The following ANKRD36B variants were observed in gnomAD, a reference collection of about 807,000 sequenced individuals.
ANKRD36B encodes the protein ankyrin repeat domain-containing protein 36B.
A neutral mutation model predicts 135.7 loss-of-function variants in ANKRD36B; 37 were observed. The observed-to-expected ratio is 0.27, with a 90% CI of 0.21 to 0.36. ANKRD36B has a LOEUF of 0.36. ANKRD36B is among the 10% of genes least tolerant of loss of function. ANKRD36B has a pLI of 1.00. For missense variants in ANKRD36B, 549 were observed against 1,037.1 expected (o/e 0.53, Z 6.46); for synonymous variants, 179 against 348.1 (o/e 0.51, Z 5.41).
rs775730791 is a variant in ANKRD36B at position 97,549,576 on chromosome 2, G to A, written c.1404+10C>T. The A allele has an allele frequency of 9.3e-6, 15 of 1,608,860 alleles. No homozygotes were observed. Among genetic ancestry groups the A allele is most frequent in the East Asian group, 9.0e-5 (4 of 44,688 alleles). ...TAACTAGTTCACAATATAAATGAGA[G>A]TTTCATTACCTTCAAGGCTGGTGGT... On this transcript the variant is annotated intron_variant, in intron 19 of 43. Coordinates refer to ENST00000359901, the MANE Select transcript of ANKRD36B (RefSeq NM_001393939.1).
chr2:97,589,804 A>C lies in ANKRD36B; in HGVS notation c.-119T>G. 6.6e-7 allele frequency: 1 copy of C among 1,515,730 alleles called. No homozygotes were observed. Among genetic ancestry groups the C allele is most frequent in the African/African-American group, 1.4e-5 (1 of 72,362 alleles). 93.9% of individuals were successfully genotyped at this position (1,515,730 alleles called of 1,614,324 possible). A position where few individuals can be genotyped will look rare whatever the true frequency, so the allele number is the denominator to read the frequency against. On this transcript the variant is annotated 5_prime_UTR_variant, in exon 1 of 44. Coordinates refer to ENST00000359901, the MANE Select transcript of ANKRD36B (RefSeq NM_001393939.1). Reference sequence around the variant, plus strand: ...CCGCCTCCGAAGAGCAACAACAGGCAAAGCAGTCTGTGCACGGACCTCCGC... The same window carrying C: ...CCGCCTCCGAAGAGCAACAACAGGCCAAGCAGTCTGTGCACGGACCTCCGC...
chr2:97,553,718 G>A (rs1357990356), intron 14 of ANKRD36B, among the ~76,000 whole-genome samples: 1 of 151,896 alleles, frequency 6.6e-6, no homozygotes, highest in African/African-American at 2.4e-5. Flanking sequence ...TGTCAAAGCA[G>A]GTGGCACATG....
rs1382288006 is a variant in ANKRD36B, at chr2:97,536,033, C to A, written c.2191+267G>T. 3.2e-5 allele frequency among the ~76,000 whole-genome samples: 3 copies of A among 93,962 alleles called. 1 individual carries two copies. The highest frequency in any genetic ancestry group is 9.6e-5 in the African/African-American group (3 of 31,300). The allele number at this position is 93,962 out of a possible 152,430, so 61.6% of individuals were successfully genotyped here. A position where few individuals can be genotyped will look rare whatever the true frequency, so the allele number is the denominator to read the frequency against. Reference sequence around the variant, plus strand: ...TGAGCTACAATTGAGCCATTGCACTCCAGCCTGGGCAACAAGAGCAAAGCT... The same window carrying A: ...TGAGCTACAATTGAGCCATTGCACTACAGCCTGGGCAACAAGAGCAAAGCT... On this transcript the variant is annotated intron_variant, in intron 34 of 43. Coordinates refer to ENST00000359901, the MANE Select transcript of ANKRD36B (RefSeq NM_001393939.1).
intron 1 of ANKRD36B, 93 bp from the exon 2 acceptor site, chr2:97,585,491 T>C (rs1302205269): frequency 8.9e-6 from 13 of 1,460,346 alleles, no homozygotes; most frequent in African/African-American, 8.5e-5. Context: ...GTAATTTTCT[T>C]GTGAAGAAAG....
chr2:97,548,191 A>T (rs1255048407), intron 20 of ANKRD36B, among the ~76,000 whole-genome samples: 1 of 151,814 alleles, frequency 6.6e-6, no homozygotes, highest in Non-Finnish European at 1.5e-5. Context: ...GAAGGCACAC[A>T]ATTGCAATGA....
chr2:97,545,769 A>G (rs1185082329), intron 23 of ANKRD36B, 31 bp from the exon 24 acceptor site: 1 of 956,852 alleles, frequency 1.0e-6, no homozygotes, highest in South Asian at 1.2e-5. Context: ...AACAGTCAAT[A>G]AATAAAGTAT....
At chr2:97,578,132 A>G (rs1486910184) in intron 5 of ANKRD36B, among the ~76,000 whole-genome samples, 1 of 152,130 alleles carries the variant, frequency 6.6e-6, no homozygotes, top group Admixed American at 6.6e-5. Flanking sequence ...GAAAGTGTCA[A>G]TTTGCTCCGT....
rs1280731027 is a variant in ANKRD36B, at chr2:97,538,643, T to C, written c.1988-280A>G. Among the ~76,000 whole-genome samples, 72 of 97,418 alleles carry C rather than the reference T, an allele frequency of 7.4e-4. 15 individuals carry two copies. The highest frequency in any genetic ancestry group is 2.1e-3 in the African/African-American group (70 of 32,678). The allele number at this position is 97,418 out of a possible 152,430, so 63.9% of individuals were successfully genotyped here. On this transcript the variant is annotated intron_variant, in intron 30 of 43. Transcript: ENST00000359901. ...AGTGTCAATATCAATGTGGATATGC[T>C]GAATGATGAAAAGAAATGTGATCTA...
chr2:97,494,007 G>T (rs1482533867), intron 43 of ANKRD36B, among the ~76,000 whole-genome samples: 2 of 106,234 alleles, frequency 1.9e-5, no homozygotes, highest in African/African-American at 5.3e-5. Context: ...TATCATTTTG[G>T]TCGACCACTT....
At chr2:97,528,720 G>A (rs1231070800) in intron 35 of ANKRD36B, among the ~76,000 whole-genome samples, 2 of 95,182 alleles carry the variant, frequency 2.1e-5, no homozygotes, top group South Asian at 2.4e-4. Flanking sequence ...GATAAAGGGG[G>A]TATCACCACC....
intron 6 of ANKRD36B, among the ~76,000 whole-genome samples, chr2:97,573,675 T>C (rs1035519123): frequency 1.3e-5 from 2 of 152,216 alleles, no homozygotes; most frequent in African/African-American, 4.8e-5. Flanking sequence ...AGCATGGTAC[T>C]GGTACCGAAA....
At position 97,580,461 on chromosome 2, in the gene ANKRD36B, C is replaced by G. The variant is rs2082561057; in HGVS notation, c.557+1G>C. 1 of 1,543,226 alleles carries G rather than the reference C, an allele frequency of 6.5e-7. No homozygotes were observed. Among genetic ancestry groups the G allele is most frequent in the Non-Finnish European group, 8.8e-7 (1 of 1,141,552 alleles). On this transcript the variant is annotated splice_donor_variant, in intron 4 of 43. Coordinates refer to ENST00000359901, the MANE Select transcript of ANKRD36B (RefSeq NM_001393939.1). LOFTEE classifies it high-confidence loss of function. ...AACACAATAAGAACTAAGGTCTGTA[C>G]CTGCCAAGATAATCAATGGCATTTA... is the stretch of plus-strand genomic sequence containing the variant.
At chr2:97,558,903 T>C (rs775168101) in intron 9 of ANKRD36B, 32 bp from the exon 10 acceptor site, 10 of 1,609,060 alleles carry the variant, frequency 6.2e-6, no homozygotes, top group East Asian at 2.2e-5. Context: ...ATAATCAATA[T>C]GTAAAGTAGG....
chr2:97,560,919 C>T, intron 6 of ANKRD36B, 59 bp from the exon 7 acceptor site: 3 of 1,332,472 alleles, frequency 2.3e-6, no homozygotes, highest in East Asian at 2.4e-5. Flanking sequence ...GTTATCCATA[C>T]ATTAATGCAT....
intron 6 of ANKRD36B, among the ~76,000 whole-genome samples, chr2:97,564,929 TG>T (rs2081322348): frequency 6.6e-6 from 1 of 152,172 alleles, no homozygotes; most frequent in Non-Finnish European, 1.5e-5. Context: ...GGTAGCTTGA[TG>T]GGTATAGCAT....
rs56775263 is a variant in ANKRD36B, at chr2:97,496,833, GTATATATA to G, written c.*7-3986_*7-3979del. 3.4e-4 allele frequency among the ~76,000 whole-genome samples: 21 copies of G among 62,098 alleles called. 5 individuals carry two copies. Among genetic ancestry groups the G allele is most frequent in the African/African-American group, 1.2e-3 (14 of 11,368 alleles). The allele number at this position is 62,098 out of a possible 152,430, so 40.7% of individuals were successfully genotyped here. The stretch of plus-strand genomic sequence containing the variant: ...TGTGTGTGTATGTATATATGTGTGT[GTATATATA>G]TATATATATATATATATATCTTTTA... On this transcript the variant is annotated intron_variant, in intron 43 of 43. Coordinates refer to ENST00000359901, the MANE Select transcript of ANKRD36B (RefSeq NM_001393939.1).
At chr2:97,557,622 A>G (rs1253753336) in intron 10 of ANKRD36B, among the ~76,000 whole-genome samples, 2 of 151,828 alleles carry the variant, frequency 1.3e-5, no homozygotes, top group Non-Finnish European at 2.9e-5. Context: ...AGTAGAATGT[A>G]CACTTCACAA....
intron 12 of ANKRD36B, among the ~76,000 whole-genome samples, chr2:97,555,629 G>T (rs2080449487): frequency 6.6e-6 from 1 of 151,876 alleles, no homozygotes. Context: ...TTTCATGCAA[G>T]GTATCAAAAG....
intron 4 of ANKRD36B, 141 bp downstream of exon 4, chr2:97,580,321 C>A (rs1186712910): frequency 1.5e-6 from 1 of 688,340 alleles, no homozygotes; most frequent in Non-Finnish European, 2.3e-6. Flanking sequence ...AAGTGATGAT[C>A]TGTGTTGATA....
Sources: allele counts gnomAD v4.1 joint callset (sites outside exome capture counted in the v4.1 genomes callset), GRCh38; gene constraint gnomAD v4.1.1; transcripts MANE v1.5; gene names NCBI Gene and HGNC (gene_info 2026-07-23, HGNC 2026-07-21).